Variants in PLA2G4E observed in about 807,000 individuals in gnomAD.
PLA2G4E encodes the protein phospholipase A2 group IVE.
PLA2G4E carries 84 observed loss-of-function variants against 109.1 expected under a neutral mutation model. The observed-to-expected ratio is 0.77, with a 90% CI of 0.65 to 0.92. The LOEUF is 0.92. Among genes scored for constraint, PLA2G4E ranks in the 40% least tolerant of loss-of-function variants. PLA2G4E has a pLI of 0.00. For synonymous variants in PLA2G4E, 469 were observed against 436.1 expected (o/e 1.08, Z -0.94); for missense variants, 1,057 against 1,076.6 (o/e 0.98, Z 0.25).
chr15:42,030,165 C>T (rs964758906), intron 1 of PLA2G4E, among the ~76,000 whole-genome samples: 4 of 152,140 alleles, frequency 2.6e-5, no homozygotes, highest in African/African-American at 9.7e-5. Flanking sequence ...TAAGGAGGTT[C>T]ATGGATATGG....
chr15:41,992,621 C>G (rs576781083), intron 13 of PLA2G4E, 116 bp downstream of exon 13: 3 of 979,026 alleles, frequency 3.1e-6, no homozygotes, highest in African/African-American at 1.6e-5. Context: ...CAAGGATACT[C>G]CCGCAGGTCT....
chr15:41,990,752 T>C (rs1221462006), intron 13 of PLA2G4E, among the ~76,000 whole-genome samples: 2 of 147,066 alleles, frequency 1.4e-5, no homozygotes, highest in Non-Finnish European at 3.0e-5. Context: ...TTCTTTTTTT[T>C]TTTTTTTTTT....
intron 5 of PLA2G4E, among the ~76,000 whole-genome samples, chr15:42,004,527 G>A (rs2068454805): frequency 6.6e-6 from 1 of 152,122 alleles, no homozygotes; most frequent in African/African-American, 2.4e-5. Flanking sequence ...TGCGGCCAGG[G>A]TTGGGGTGTT....
chr15:42,028,744 T>C (rs1889066467), intron 1 of PLA2G4E, among the ~76,000 whole-genome samples: 1 of 152,238 alleles, frequency 6.6e-6, no homozygotes, highest in African/African-American at 2.4e-5. Flanking sequence ...TATGTGCCTA[T>C]GTTTCTTGAT....
At chr15:41,988,239 CCCCCA>C in intron 15 of PLA2G4E, 83 bp from the exon 16 acceptor site, 1 of 866,218 alleles carries the variant, frequency 1.2e-6, no homozygotes, top group Non-Finnish European at 1.7e-6. Flanking sequence ...TCCCCCCACC[CCCCCA>C]CCCCACGCAA....
intron 1 of PLA2G4E, among the ~76,000 whole-genome samples, chr15:42,025,801 A>C (rs1480054744): frequency 6.6e-6 from 1 of 152,234 alleles, no homozygotes; most frequent in Non-Finnish European, 1.5e-5. Context: ...CTCTGTCAGA[A>C]AGGATGGACC....
intron 16 of PLA2G4E, 99 bp from the exon 17 acceptor site, chr15:41,987,474 C>G: frequency 1.7e-6 from 2 of 1,162,518 alleles, no homozygotes; most frequent in Non-Finnish European, 2.5e-6. Flanking sequence ...CAGGGGTGAG[C>G]ACTGTAAAAG....
chr15:42,013,658 A>AG, intron 2 of PLA2G4E, 27 bp downstream of exon 2: 1 of 1,269,306 alleles, frequency 7.9e-7, no homozygotes, highest in Non-Finnish European at 1.1e-6. Flanking sequence ...GTAAGCAGAG[A>AG]AGGAGAGAAG....
chr15:41,996,034 A>G (rs1397803963), intron 11 of PLA2G4E, among the ~76,000 whole-genome samples: 1 of 152,182 alleles, frequency 6.6e-6, no homozygotes, highest in Admixed American at 6.5e-5. Flanking sequence ...CAGAGGTTTA[A>G]GAGGCCCCTG....
chr15:42,048,213 G>A (rs1246035692), intron 1 of PLA2G4E, among the ~76,000 whole-genome samples: 1 of 152,212 alleles, frequency 6.6e-6, no homozygotes, highest in African/African-American at 2.4e-5. Context: ...CAGCCTAGGA[G>A]CAAAAGGCTA....
At chr15:42,048,798 G>T (rs930902465) in intron 1 of PLA2G4E, among the ~76,000 whole-genome samples, 6 of 152,260 alleles carry the variant, frequency 3.9e-5, no homozygotes, top group African/African-American at 1.4e-4. Context: ...AAATGACAGA[G>T]CAAGGGATTG....
At chr15:41,985,856 C>T in exon 18 of PLA2G4E, 1 of 1,611,018 alleles carries the variant, frequency 6.2e-7, no homozygotes, top group South Asian at 1.1e-5. Flanking sequence ...TGGGACCCAG[C>T]ACAGTAGTTG....
intron 15 of PLA2G4E, among the ~76,000 whole-genome samples, chr15:41,988,946 C>T (rs1338268108): frequency 6.6e-6 from 1 of 152,158 alleles, no homozygotes; most frequent in Non-Finnish European, 1.5e-5. Context: ...AGCCCTTTGA[C>T]GGGCGCAGCT....
chr15:42,050,514 G>A, intron 1 of PLA2G4E: 1 of 1,549,236 alleles, frequency 6.5e-7, no homozygotes, highest in South Asian at 1.2e-5. Flanking sequence ...CAGGAACACA[G>A]ACATACCTCA....
At chr15:42,041,088 A>G (rs1889307434) in intron 1 of PLA2G4E, among the ~76,000 whole-genome samples, 1 of 152,238 alleles carries the variant, frequency 6.6e-6, no homozygotes, top group Admixed American at 6.5e-5. Flanking sequence ...TAGGATGTAG[A>G]TTAGAGCAAA....
chr15:41,988,960 A>G (rs1448012674), intron 15 of PLA2G4E, among the ~76,000 whole-genome samples: 5 of 151,922 alleles, frequency 3.3e-5, no homozygotes, highest in Non-Finnish European at 7.4e-5. Flanking sequence ...CGCAGCTAAG[A>G]CTCTGAAGGG....
At chr15:42,005,479 G>C (rs1391200051) in intron 4 of PLA2G4E, among the ~76,000 whole-genome samples, 3 of 152,208 alleles carry the variant, frequency 2.0e-5, no homozygotes, top group Non-Finnish European at 4.4e-5. Flanking sequence ...AGGGGACCCA[G>C]TGCCTAGAAC....
At chr15:41,997,360 GC>G in intron 10 of PLA2G4E, 101 bp from the exon 11 acceptor site, 1 of 1,309,172 alleles carries the variant, frequency 7.6e-7, no homozygotes. Flanking sequence ...GCCTACTTCT[GC>G]CAGCGACCAC....
chr15:42,031,272 A>G (rs28526333), intron 1 of PLA2G4E, among the ~76,000 whole-genome samples: 36,038 of 152,118 alleles, frequency 0.24, 4,508 homozygotes, highest in South Asian at 0.38. Context: ...CACAGTCACA[A>G]AGTTCCTTCC....
Sources: allele counts gnomAD v4.1 joint callset (sites outside exome capture counted in the v4.1 genomes callset), GRCh38; gene constraint gnomAD v4.1.1; transcripts MANE v1.5; gene names NCBI Gene and HGNC (gene_info 2026-07-23, HGNC 2026-07-21).